CAMK2D: variants seen among roughly 807,000 people sequenced by gnomAD.
CAMK2D encodes calcium/calmodulin dependent protein kinase II delta.
Under a neutral mutation model 84.0 loss-of-function variants are expected in CAMK2D, and 37 were observed. That is an observed-to-expected ratio of 0.44 (90% CI 0.34 to 0.58). The LOEUF (loss-of-function observed/expected upper bound fraction) is 0.58, where lower values mean the gene tolerates loss of function less well. Among genes scored for constraint, CAMK2D ranks in the 20% least tolerant of loss-of-function variants. CAMK2D has a pLI of 0.02. For missense variants in CAMK2D, 448 were observed against 652.5 expected (o/e 0.69, Z 3.41); for synonymous variants, 202 against 212.5 (o/e 0.95, Z 0.43).
intron 2 of CAMK2D, among the ~76,000 whole-genome samples, chr4:113,712,171 A>T (rs1422081283): frequency 6.6e-6 from 1 of 152,182 alleles, no homozygotes; most frequent in African/African-American, 2.4e-5. Flanking sequence ...CAAGTATGTG[A>T]ATGTATCACC....
intron 16 of CAMK2D, among the ~76,000 whole-genome samples, chr4:113,492,621 G>T (rs1201684619): frequency 1.3e-5 from 2 of 151,290 alleles, no homozygotes; most frequent in Non-Finnish European, 2.9e-5. Flanking sequence ...ATATTCTGTT[G>T]ATTTGGGGTG....
At chr4:113,660,966 T>G (rs2099228566) in intron 3 of CAMK2D, among the ~76,000 whole-genome samples, 1 of 151,824 alleles carries the variant, frequency 6.6e-6, no homozygotes, top group Non-Finnish European at 1.5e-5. Context: ...CGGATAATTT[T>G]TTTGTATTTT....
intron 2 of CAMK2D, among the ~76,000 whole-genome samples, chr4:113,755,723 C>A (rs780971011): frequency 7.9e-5 from 12 of 151,928 alleles, no homozygotes; most frequent in Admixed American, 3.9e-4. Context: ...TATAATTTGA[C>A]AACAGTGTAC....
At chr4:113,486,591 A>G (rs2097767718) in intron 16 of CAMK2D, among the ~76,000 whole-genome samples, 1 of 152,236 alleles carries the variant, frequency 6.6e-6, no homozygotes, top group Non-Finnish European at 1.5e-5. Flanking sequence ...ATGGCCAAAA[A>G]TACCTCCAAG....
chr4:113,761,482 C>G lies in CAMK2D; in HGVS notation c.-414G>C, dbSNP rs1176691174. ...CGCACTGGAGCAGGAGGAGTAGAAG[C>G]AGAGGGGAGGGAGTCCGAGGGGGCG... On this transcript the variant is annotated 5_prime_UTR_variant, in exon 1 of 21. Coordinates refer to ENST00000511664, the MANE Select transcript of CAMK2D (RefSeq NM_001321571.2). 1 of 1,082,694 alleles carries G rather than the reference C, an allele frequency of 9.2e-7. No homozygotes were observed. Among genetic ancestry groups the G allele is most frequent in the Admixed American group, 4.8e-5 (1 of 21,028 alleles). The allele number at this position is 1,082,694 out of a possible 1,614,324, so 67.1% of individuals were successfully genotyped here.
At chr4:113,705,119 C>T (rs1392191938) in intron 2 of CAMK2D, among the ~76,000 whole-genome samples, 2 of 149,792 alleles carry the variant, frequency 1.3e-5, no homozygotes, top group Admixed American at 1.3e-4. Flanking sequence ...GGATCGAGAC[C>T]ATCCTGGCTA....
chr4:113,577,842 T>C (rs545813478), intron 4 of CAMK2D, among the ~76,000 whole-genome samples: 1 of 152,232 alleles, frequency 6.6e-6, no homozygotes, highest in South Asian at 2.1e-4. Context: ...TTCCATGTGT[T>C]TGGACATTTC....
chr4:113,713,103 C>T (rs2099499312), intron 2 of CAMK2D, among the ~76,000 whole-genome samples: 1 of 151,862 alleles, frequency 6.6e-6, no homozygotes, highest in Non-Finnish European at 1.5e-5. Flanking sequence ...AACTGTATAT[C>T]ACAGTTTATT....
chr4:113,752,849 T>G (rs2099620435), intron 2 of CAMK2D, among the ~76,000 whole-genome samples: 1 of 152,148 alleles, frequency 6.6e-6, no homozygotes, highest in Non-Finnish European at 1.5e-5. Flanking sequence ...TTTAAAAGAC[T>G]ATCTTCTCTC....
At chr4:113,481,050 G>A (rs1215727631) in intron 16 of CAMK2D, among the ~76,000 whole-genome samples, 1 of 152,156 alleles carries the variant, frequency 6.6e-6, no homozygotes, top group Non-Finnish European at 1.5e-5. Flanking sequence ...GTGATATTTT[G>A]TTATAGCATC....
chr4:113,579,721 T>C (rs1172448691), intron 4 of CAMK2D, among the ~76,000 whole-genome samples: 2 of 152,284 alleles, frequency 1.3e-5, no homozygotes, highest in East Asian at 1.9e-4. Flanking sequence ...AAAATAAACC[T>C]TTTTTCTTTA....
chr4:113,735,289 GAAAAAAAAAAAA>G (rs769117708), intron 2 of CAMK2D, among the ~76,000 whole-genome samples: 9,949 of 44,402 alleles, frequency 0.22, 698 homozygotes, highest in East Asian at 0.33. Context: ...ATCTCTACAG[GAAAAAAAAAAAA>G]AAAAAAAAAA....
chr4:113,603,198 CGTT>C (rs1213029119), intron 4 of CAMK2D, among the ~76,000 whole-genome samples: 4 of 151,952 alleles, frequency 2.6e-5, no homozygotes, highest in South Asian at 4.2e-4. Flanking sequence ...GATGACTTTG[CGTT>C]ATTTTATTTT....
rs370961279 is a variant in CAMK2D at position 113,483,942 on chromosome 4, A to C, written c.1135+16521T>G. ...GAATGTCTGTTTCCATATAAGCAAT[A>C]ATTGGTTAAGTCAAGTAAACAGAGT... On this transcript the variant is annotated intron_variant, in intron 16 of 20. Transcript: ENST00000511664. Among the ~76,000 whole-genome samples, 18 of 152,266 alleles carry C rather than the reference A, an allele frequency of 1.2e-4. No homozygotes were observed. The East Asian group carries it at 3.1e-3, about 26-fold the overall frequency.
chr4:113,483,925 G>A (rs72678715), intron 16 of CAMK2D, among the ~76,000 whole-genome samples: 170 of 152,220 alleles, frequency 1.1e-3, no homozygotes, highest in Non-Finnish European at 1.9e-3. Context: ...GAGAATGTCT[G>A]TTTCCATATA....
intron 18 of CAMK2D, among the ~76,000 whole-genome samples, chr4:113,459,900 C>T (rs1419876171): frequency 6.6e-6 from 1 of 152,138 alleles, no homozygotes; most frequent in African/African-American, 2.4e-5. Context: ...ACTGGGATTA[C>T]AGGCATGAGC....
intron 16 of CAMK2D, among the ~76,000 whole-genome samples, chr4:113,470,059 T>C (rs112540937): frequency 0.023 from 3,495 of 152,210 alleles, 72 homozygotes; most frequent in Middle Eastern, 0.078. Flanking sequence ...GATAACCTTC[T>C]ATTTGAACTC....
At chr4:113,585,657 T>C (rs147752584) in intron 4 of CAMK2D, among the ~76,000 whole-genome samples, 33 of 112,390 alleles carry the variant, frequency 2.9e-4, no homozygotes, top group Admixed American at 2.3e-3. Flanking sequence ...TATAGATTAG[T>C]ATATAGTATA....
chr4:113,682,243 A>T (rs113954154), intron 2 of CAMK2D, among the ~76,000 whole-genome samples: 36 of 152,266 alleles, frequency 2.4e-4, no homozygotes, highest in African/African-American at 8.2e-4. Flanking sequence ...TTCATTTTTT[A>T]AAAAATTGCC....
Sources: gnomAD v4.1 joint callset for allele counts (sites outside exome capture counted in the v4.1 genomes callset) on GRCh38, gnomAD v4.1.1 for gene constraint, MANE v1.5 for transcripts, NCBI Gene and HGNC (gene_info 2026-07-23, HGNC 2026-07-21) for gene names.